Variants in EIF2AK4 observed in about 807,000 individuals in gnomAD.
The protein encoded by EIF2AK4 is eIF-2-alpha kinase GCN2.
A neutral mutation model predicts 211.1 loss-of-function variants in EIF2AK4; 139 were observed. The ratio of observed to expected loss-of-function variants is 0.66; its 90% confidence interval spans 0.57 to 0.76. The LOEUF is 0.76. Among genes scored for constraint, EIF2AK4 ranks in the 30% least tolerant of loss-of-function variants. EIF2AK4 has a pLI of 0.00. For synonymous variants in EIF2AK4, 710 were observed against 751.3 expected, an observed-to-expected ratio of 0.94 and a Z score of 0.90; for missense variants, 1,664 against 2,043.8, an observed-to-expected ratio of 0.81 and a Z score of 3.58.
intron 2 of EIF2AK4, among the ~76,000 whole-genome samples, chr15:39,940,728 A>C (rs1029873465): frequency 1.3e-5 from 2 of 152,014 alleles, no homozygotes; most frequent in African/African-American, 4.8e-5. Flanking sequence ...GCCTTTTCTG[A>C]TACCATGTGG....
At position 39,982,780 on chromosome 15, in the gene EIF2AK4, A is replaced by T. The variant is rs139459359; in HGVS notation, c.2320-3025A>T. Reference sequence around the variant, plus strand: ...TGTTCTCATTGTTCAACTCCCACTTACAAGTGAAAACATGCAGTGTTTGGT... The same window carrying T: ...TGTTCTCATTGTTCAACTCCCACTTTCAAGTGAAAACATGCAGTGTTTGGT... On this transcript the variant is annotated intron_variant, in intron 13 of 38. Coordinates refer to ENST00000263791, the MANE Select transcript of EIF2AK4 (RefSeq NM_001013703.4). 9.8e-3 allele frequency among the ~76,000 whole-genome samples: 1,484 copies of T among 151,620 alleles called. 28 individuals are homozygous for T. Among genetic ancestry groups the T allele is most frequent in the African/African-American group, 0.035 (1,436 of 41,302 alleles).
At chr15:39,983,199 C>T (rs1311632484) in intron 13 of EIF2AK4, among the ~76,000 whole-genome samples, 1 of 152,214 alleles carries the variant, frequency 6.6e-6, no homozygotes, top group Non-Finnish European at 1.5e-5. Context: ...ACATCCTCCC[C>T]AGCATCTGTT....
At chr15:39,998,117 A>C (rs1479221758) in intron 19 of EIF2AK4, among the ~76,000 whole-genome samples, 1 of 152,198 alleles carries the variant, frequency 6.6e-6, no homozygotes, top group East Asian at 1.9e-4. Context: ...CCTTGACTGC[A>C]ATGCTCTTAG....
At chr15:39,946,456 T>C (rs2034228353) in intron 3 of EIF2AK4, 2 of 647,028 alleles carry the variant, frequency 3.1e-6, no homozygotes, top group African/African-American at 1.8e-5. Context: ...GATAAAACTT[T>C]AACAGATGAT....
At chr15:39,985,401 G>A (rs1304832560) in intron 13 of EIF2AK4, among the ~76,000 whole-genome samples, 2 of 152,018 alleles carry the variant, frequency 1.3e-5, no homozygotes, top group Non-Finnish European at 2.9e-5. Context: ...TCTATTGCTT[G>A]GAATAGTTTT....
intron 37 of EIF2AK4, among the ~76,000 whole-genome samples, chr15:40,034,028 C>CAAAAA (rs1161664208): frequency 1.4e-5 from 1 of 68,972 alleles, no homozygotes. Flanking sequence ...AACTCCATCT[C>CAAAAA]AAAAAAAAAA....
At position 40,009,642 on chromosome 15, in the gene EIF2AK4, A is replaced by T. The variant is rs1159906680; in HGVS notation, c.3605A>T (p.His1202Leu). 1 of 1,604,918 alleles carries T rather than the reference A, an allele frequency of 6.2e-7. No homozygotes were observed. The highest frequency in any genetic ancestry group is 1.3e-5 in the African/African-American group (1 of 74,744). ...QERNYSIYLN[H>L]TMLLKAILLH... ...AGAAATTACAGTATTTATTTGAACC[A>T]TACCATGTTATTGAAAGCAATACTC... The change falls in exon 26 of 39, where the codon CAT becomes CTT. Residue 1202 changes from histidine to leucine, a missense_variant. His to Leu is a moderately conservative substitution (Grantham distance 99). This residue lies in a region of EIF2AK4 where 622 missense variants were observed against 796.8 expected (regional missense o/e 0.78). Transcript: ENST00000263791.
At chr15:39,987,466 T>C (rs1165068229) in intron 14 of EIF2AK4, among the ~76,000 whole-genome samples, 1 of 152,234 alleles carries the variant, frequency 6.6e-6, no homozygotes, top group Non-Finnish European at 1.5e-5. Flanking sequence ...TTGCACTGTT[T>C]TCTGATATGT....
At chr15:40,009,262 A>G (rs1250848943) in intron 25 of EIF2AK4, among the ~76,000 whole-genome samples, 1 of 151,266 alleles carries the variant, frequency 6.6e-6, no homozygotes, top group Admixed American at 6.6e-5. Context: ...CTAATTTTTT[A>G]TTTTTTTGTA....
In EIF2AK4 at chr15:40,034,426, A is replaced by G. The variant is rs1161332135; in HGVS notation, c.4874A>G (p.Asn1625Ser). 6.2e-6 allele frequency: 10 copies of G among 1,613,652 alleles called. No individual in the cohort carries two copies. Among genetic ancestry groups the G allele is most frequent in the Non-Finnish European group, 8.5e-6 (10 of 1,179,720 alleles). The stretch of plus-strand genomic sequence containing the variant: ...AAATTAGTCTGTGATGAAATTTATA[A>G]CATCAAAGTAGAAAAAAAGTAAGTT... ...YLKLVCDEIY[N>S]IKVEKKVSVL... is the part of the protein sequence containing the mutation. The change falls in exon 38 of 39, where the codon AAC becomes AGC. Residue 1625 changes from asparagine (N) to serine (S), a missense_variant. Transcript: ENST00000263791.
rs756159766 is a variant in EIF2AK4 at position 40,011,281 on chromosome 15, A to G, written c.3694A>G (p.Thr1232Ala). 2.0e-5 allele frequency: 32 copies of G among 1,613,820 alleles called. No homozygotes were observed. The highest frequency in any genetic ancestry group is 2.5e-5 in the Non-Finnish European group (30 of 1,179,798). The change falls in exon 27 of 39, where the codon ACA becomes GCA. Residue 1232 changes from threonine to alanine, a missense_variant and splice_region_variant. Physicochemically the swap from Thr to Ala is moderately conservative, Grantham distance 58. Coordinates refer to ENST00000263791, the MANE Select transcript of EIF2AK4 (RefSeq NM_001013703.4). ...QVYIILYDAV[T>A]EKLTRREVEA... is the part of the protein sequence containing the mutation. ...TTGTTACCTTTTTCTTCCACGTTAG[A>G]CAGAGAAGCTGACGAGGAGAGAAGT...
At chr15:40,001,949 A>T (rs962293675) in intron 21 of EIF2AK4, among the ~76,000 whole-genome samples, 3 of 152,210 alleles carry the variant, frequency 2.0e-5, no homozygotes, top group African/African-American at 7.2e-5. Context: ...AAGAAAAAAA[A>T]TCTGAAGCAT....
chr15:40,019,211 G>A lies in EIF2AK4; in HGVS notation c.4173+11G>A, dbSNP rs1286822938. On this transcript the variant is annotated intron_variant, in intron 30 of 38. Transcript: ENST00000263791. The stretch of plus-strand genomic sequence containing the variant: ...AACATGGAGGAATCTGTAAGTTCTG[G>A]CTTGGCTTCCCAGCATACTTCGAGG... The A allele has an allele frequency of 1.3e-6, 2 of 1,556,068 alleles. No individual in the cohort carries two copies. The highest frequency in any genetic ancestry group is 1.7e-6 in the Non-Finnish European group (2 of 1,151,318).
chr15:39,976,759 C>T lies in EIF2AK4; in HGVS notation c.2164C>T (p.Arg722Cys), dbSNP rs745871987. The change falls in exon 12 of 39, where the codon CGT (arginine) becomes TGT (cysteine). Residue 722 changes from arginine (R) to cysteine (C), a missense_variant. Arg to Cys is a radical substitution (Grantham distance 180, BLOSUM62 -3). This residue lies in a region of EIF2AK4 where 206 missense variants were observed against 201.9 expected (regional missense o/e 1.02). Transcript: ENST00000263791. Reference protein sequence around the residue: ...STSGERSASARFPATGPGSSD... With the variant: ...STSGERSASACFPATGPGSSD... ...TTCGGGCGAGCGCTCGGCCAGTGCC[C>T]GTTTCCCCGCCACCGGCCCGGGCTC... 3 of 1,596,976 alleles carry T rather than the reference C, an allele frequency of 1.9e-6. No individual in the cohort carries two copies. Among genetic ancestry groups the T allele is most frequent in the South Asian group, 2.2e-5 (2 of 89,050 alleles).
intron 13 of EIF2AK4, among the ~76,000 whole-genome samples, chr15:39,979,146 G>A (rs1339028993): frequency 1.3e-5 from 2 of 152,176 alleles, no homozygotes; most frequent in Non-Finnish European, 2.9e-5. Flanking sequence ...TTTTTTGTTA[G>A]GTGGTGGGAG....
chr15:40,028,679 A>C (rs2035498656), intron 33 of EIF2AK4, among the ~76,000 whole-genome samples: 1 of 152,076 alleles, frequency 6.6e-6, no homozygotes, highest in Non-Finnish European at 1.5e-5. Context: ...TAATAAATTC[A>C]CCATTAGGTG....
At chr15:39,983,447 CT>C (rs34672885) in intron 13 of EIF2AK4, among the ~76,000 whole-genome samples, 38,802 of 145,462 alleles carry the variant, frequency 0.27, 5,403 homozygotes, top group East Asian at 0.51. Flanking sequence ...GGATATTAGC[CT>C]TTTTTTTTTT....
intron 8 of EIF2AK4, 96 bp downstream of exon 8, chr15:39,965,939 G>A: frequency 1.3e-6 from 2 of 1,493,056 alleles, no homozygotes; most frequent in Admixed American, 1.9e-5. Flanking sequence ...GCCCTGCAGA[G>A]ATGGTCCAGA....
intron 9 of EIF2AK4, among the ~76,000 whole-genome samples, chr15:39,968,474 T>G (rs1405407058): frequency 6.6e-6 from 1 of 152,216 alleles, no homozygotes; most frequent in Non-Finnish European, 1.5e-5. Flanking sequence ...TCCAGGTCCT[T>G]CACTTAAGTG....
Sources: gnomAD v4.1 joint callset for allele counts (sites outside exome capture counted in the v4.1 genomes callset) on GRCh38, gnomAD v4.1.1 for gene constraint, gnomAD v4.1.1 regional missense constraint, MANE v1.5 for transcripts, NCBI Gene and HGNC (gene_info 2026-07-23, HGNC 2026-07-21) for gene names.